The following IKZF3 variants were observed in gnomAD, a reference collection of about 807,000 sequenced individuals.
IKZF3 encodes IKAROS family zinc finger 3.
In IKZF3, 10 loss-of-function variants were observed where a neutral mutation model predicts 49.0. The observed-to-expected ratio is 0.20, with a 90% CI of 0.13 to 0.35. The LOEUF is 0.35. Among genes scored for constraint, IKZF3 ranks in the 10% least tolerant of loss-of-function variants. IKZF3 has a pLI of 1.00. For missense variants in IKZF3, 498 were observed against 664.8 expected (o/e 0.75, Z 2.76); for synonymous variants, 209 against 228.2 (o/e 0.92, Z 0.76).
intron 1 of IKZF3, among the ~76,000 whole-genome samples, chr17:39,852,807 C>T (rs966391008): frequency 2.0e-5 from 3 of 152,048 alleles, no homozygotes; most frequent in Non-Finnish European, 2.9e-5. Context: ...CTGTTCTCTA[C>T]GAAAAATACA....
intron 1 of IKZF3, among the ~76,000 whole-genome samples, chr17:39,853,870 C>T (rs1364577714): frequency 6.6e-6 from 1 of 151,604 alleles, no homozygotes; most frequent in Non-Finnish European, 1.5e-5. Flanking sequence ...TGGCTCACGC[C>T]TGTAATCCCA....
chr17:39,856,569 G>A (rs1050858356), intron 1 of IKZF3, among the ~76,000 whole-genome samples: 12 of 152,164 alleles, frequency 7.9e-5, no homozygotes, highest in African/African-American at 2.2e-4. Context: ...ACTTTGGGAT[G>A]CCAAGGCGGG....
intron 3 of IKZF3, among the ~76,000 whole-genome samples, chr17:39,812,957 C>A (rs2061595277): frequency 6.6e-6 from 1 of 152,110 alleles, no homozygotes; most frequent in Admixed American, 6.6e-5. Flanking sequence ...ATAAAATTAG[C>A]CGGGTGTGGT....
chr17:39,847,665 C>T (rs189452627), intron 1 of IKZF3, among the ~76,000 whole-genome samples: 1 of 152,240 alleles, frequency 6.6e-6, no homozygotes, highest in East Asian at 1.9e-4. Context: ...TGGCATCAAG[C>T]ACTCAGCCTA....
rs770020119 is a variant in IKZF3 at position 39,791,510 on chromosome 17, T to C, written c.498A>G (p.Lys166=). The change falls in exon 5 of 8, where the codon AAA becomes AAG. Residue 166 remains lysine (K), a synonymous_variant. Coordinates refer to ENST00000346872, the MANE Select transcript of IKZF3 (RefSeq NM_012481.5). Reference sequence around the variant, plus strand: ...TAAAAGGTTTTTCCCCTGTGTGCAGTTTAATGTGGCGGAGGAGGTTACCTT... The same window carrying C: ...TAAAAGGTTTTTCCCCTGTGTGCAGCTTAATGTGGCGGAGGAGGTTACCTT... ...TQKGNLLRHI[K]LHTGEKPFKC... is the part of the protein sequence containing the mutation. The C allele has an allele frequency of 8.7e-6, 14 of 1,614,036 alleles. No individual in the cohort carries two copies. The highest frequency in any genetic ancestry group is 1.1e-5 in the Non-Finnish European group (13 of 1,179,990).
chr17:39,849,422 G>A (rs1302904428), intron 1 of IKZF3, among the ~76,000 whole-genome samples: 1 of 151,738 alleles, frequency 6.6e-6, no homozygotes, highest in Non-Finnish European at 1.5e-5. Flanking sequence ...ACTTTGGGAG[G>A]CCAAGGCAGG....
intron 6 of IKZF3, among the ~76,000 whole-genome samples, chr17:39,784,045 C>T (rs1209134018): frequency 6.6e-6 from 1 of 152,254 alleles, no homozygotes; most frequent in African/African-American, 2.4e-5. Flanking sequence ...ATTCTGAAGC[C>T]CTCATGCTTG....
At chr17:39,775,879 G>A (rs1597970815) in intron 7 of IKZF3, among the ~76,000 whole-genome samples, 1 of 150,874 alleles carries the variant, frequency 6.6e-6, no homozygotes, top group South Asian at 2.1e-4. Context: ...AGCCGAGATC[G>A]CGCCATTGCA....
Position 39,778,565 on chromosome 17 carries a change from G to A in IKZF3, c.710-798C>T, listed in dbSNP as rs1485289163. 3.3e-5 allele frequency among the ~76,000 whole-genome samples: 5 copies of A among 152,214 alleles called. No homozygotes were observed. The East Asian group carries it at 9.6e-4, about 29-fold the overall frequency. Reference sequence around the variant, plus strand: ...TGCCTGTAATCCCAGCACTTTGGGAGGTGGAGGTGGGCAGATCACCTGAGG... The same window carrying A: ...TGCCTGTAATCCCAGCACTTTGGGAAGTGGAGGTGGGCAGATCACCTGAGG... On this transcript the variant is annotated intron_variant, in intron 6 of 7. Coordinates refer to ENST00000346872, the MANE Select transcript of IKZF3 (RefSeq NM_012481.5).
intron 1 of IKZF3, chr17:39,835,583 G>T (rs534761959): frequency 6.9e-6 from 3 of 434,410 alleles, no homozygotes; most frequent in South Asian, 5.4e-5. Context: ...CCTTGGCCTG[G>T]CTGCGGTTGG....
At chr17:39,780,740 T>A (rs2060720675) in intron 6 of IKZF3, among the ~76,000 whole-genome samples, 1 of 152,048 alleles carries the variant, frequency 6.6e-6, no homozygotes, top group South Asian at 2.1e-4. Context: ...TAGTCCCAGC[T>A]ACTCAGGAGG....
At chr17:39,856,062 TA>T (rs1272548251) in intron 1 of IKZF3, among the ~76,000 whole-genome samples, 2 of 148,656 alleles carry the variant, frequency 1.3e-5, no homozygotes, top group African/African-American at 5.1e-5. Flanking sequence ...ATGTACAATA[TA>T]ACATGTATAT....
At chr17:39,814,264 G>T (rs945541152) in intron 3 of IKZF3, among the ~76,000 whole-genome samples, 2 of 152,130 alleles carry the variant, frequency 1.3e-5, no homozygotes, top group African/African-American at 4.8e-5. Flanking sequence ...AAAATATAAG[G>T]CCTTTCAAAA....
At chr17:39,839,190 T>C (rs571842830) in intron 1 of IKZF3, among the ~76,000 whole-genome samples, 2 of 152,196 alleles carry the variant, frequency 1.3e-5, no homozygotes, top group East Asian at 3.9e-4. Context: ...AAAGGTCTCA[T>C]ATATTTATTA....
intron 2 of IKZF3, 134 bp from the exon 3 acceptor site, chr17:39,829,622 C>T (rs1036143525): frequency 3.2e-6 from 2 of 618,840 alleles, no homozygotes; most frequent in Middle Eastern, 4.4e-4. Context: ...TTCACACATA[C>T]CCAAAAGGGA....
chr17:39,840,823 G>T (rs1333634879), intron 1 of IKZF3, among the ~76,000 whole-genome samples: 5 of 152,176 alleles, frequency 3.3e-5, no homozygotes, highest in African/African-American at 1.2e-4. Flanking sequence ...AGGGTGGGCT[G>T]CTGGAGACCA....
At chr17:39,857,689 C>T (rs191832687) in intron 1 of IKZF3, among the ~76,000 whole-genome samples, 1 of 152,118 alleles carries the variant, frequency 6.6e-6, no homozygotes, top group Non-Finnish European at 1.5e-5. Context: ...TTTCCTTCCC[C>T]CCTTTACTAT....
chr17:39,777,970 T>C, intron 6 of IKZF3: 1 of 1,247,712 alleles, frequency 8.0e-7, no homozygotes, highest in East Asian at 3.5e-5. Context: ...CTTGCAGTCT[T>C]ATGCCGAGAT....
chr17:39,837,377 G>A (rs2062322517), intron 1 of IKZF3, among the ~76,000 whole-genome samples: 1 of 150,956 alleles, frequency 6.6e-6, no homozygotes, highest in African/African-American at 2.4e-5. Context: ...TCTTTACTTT[G>A]TCTTCAATCT....
Sources: allele counts gnomAD v4.1 joint callset (sites outside exome capture counted in the v4.1 genomes callset), GRCh38; gene constraint gnomAD v4.1.1; transcripts MANE v1.5; gene names NCBI Gene and HGNC (gene_info 2026-07-23, HGNC 2026-07-21).